SEC24A: variants seen among roughly 807,000 people sequenced by gnomAD.
The protein encoded by SEC24A is protein transport protein Sec24A.
SEC24A carries 93 observed loss-of-function variants against 129.4 expected under a neutral mutation model. The observed-to-expected ratio is 0.72, with a 90% confidence interval of 0.61 to 0.85. SEC24A has a LOEUF of 0.85. Ranked by LOEUF, SEC24A falls within the 40% of genes least tolerant of loss-of-function variation. SEC24A has a pLI of 0.00. For missense variants in SEC24A, 1,264 were observed against 1,307.4 expected (o/e 0.97, Z 0.51); for synonymous variants, 460 against 467.3 (o/e 0.98, Z 0.20).
Position 134,679,665 on chromosome 5 carries a change from C to A in SEC24A, c.1318C>A (p.Pro440Thr). The part of the protein sequence containing the change: ...RCRSCRTYIN[P>T]FVSFLDQRRW... Reference sequence around the variant, plus strand: ...CCGTTCATGCAGGACGTACATCAATCCTTTCGTCAGCTTTCTTGATCAAAG... The same window carrying A: ...CCGTTCATGCAGGACGTACATCAATACTTTCGTCAGCTTTCTTGATCAAAG... Residue 440 changes from proline (P) to threonine (T), a missense_variant, in exon 8 of 23, where the codon CCT (proline) becomes ACT (threonine). Pro to Thr is a conservative substitution (Grantham distance 38). Coordinates refer to ENST00000398844, the MANE Select transcript of SEC24A (RefSeq NM_021982.3). 2 of 1,601,266 alleles carry A rather than the reference C, an allele frequency of 1.2e-6. No individual in the cohort carries two copies. Among genetic ancestry groups the A allele is most frequent in the Admixed American group, 1.7e-5 (1 of 59,606 alleles).
chr5:134,675,332 A>G (rs1343455679), intron 6 of SEC24A, 115 bp downstream of exon 6: 1 of 745,182 alleles, frequency 1.3e-6, no homozygotes, highest in African/African-American at 1.8e-5. Context: ...AAAGTTCTGG[A>G]TACAGATGAT....
rs1751042180 is a variant in SEC24A, at chr5:134,675,896, ACT to A, written c.1152-124_1152-123del. The A allele has an allele frequency of 1.0e-5, 6 of 583,414 alleles. No homozygotes were observed. In the Middle Eastern group the frequency reaches 1.4e-3, roughly 140 times the overall value. The allele number at this position is 583,414 out of a possible 1,614,324, so 36.1% of individuals were successfully genotyped here. On this transcript the variant is annotated intron_variant, in intron 6 of 22. Coordinates refer to ENST00000398844, the MANE Select transcript of SEC24A (RefSeq NM_021982.3). ...TATTTAAATGGGATAAAATTTTGAG[ACT>A]CTATTGAAATATTTCATCTGTAATC...
At chr5:134,681,080 C>CA (rs755210383) in intron 8 of SEC24A, among the ~76,000 whole-genome samples, 16 of 150,938 alleles carry the variant, frequency 1.1e-4, no homozygotes, top group South Asian at 2.1e-4. Flanking sequence ...GCCTGGGCGA[C>CA]AGAGCGAGAC....
chr5:134,681,229 C>A (rs1202364180), intron 8 of SEC24A, among the ~76,000 whole-genome samples: 1 of 149,844 alleles, frequency 6.7e-6, no homozygotes, highest in African/African-American at 2.5e-5. Context: ...GAAACCCCAT[C>A]TTTACTAAAA....
Position 134,693,773 on chromosome 5 carries a change from C to A in SEC24A, c.1826C>A (p.Thr609Asn), listed in dbSNP as rs761672944. The change falls in exon 13 of 23, where the codon ACT becomes AAT. Residue 609 changes from threonine to asparagine, a missense_variant. Coordinates refer to ENST00000398844, the MANE Select transcript of SEC24A (RefSeq NM_021982.3). ...LKTLPQMFTK[T>N]LETQSALGPA... ...ACTTTGCCACAAATGTTTACCAAGA[C>A]TCTGGAGACCCAGAGTGCCTTGGGT... 1.2e-4 allele frequency: 198 copies of A among 1,614,050 alleles called. No individual in the cohort carries two copies. Among genetic ancestry groups the A allele is most frequent in the Non-Finnish European group, 2.5e-5 (30 of 1,180,020 alleles).
chr5:134,653,860 CAAAAAT>C (rs1490754361), intron 1 of SEC24A, among the ~76,000 whole-genome samples: 3 of 149,512 alleles, frequency 2.0e-5, no homozygotes, highest in South Asian at 2.2e-4. Context: ...TATCTTGTCT[CAAAAAT>C]AAATAAATAG....
chr5:134,677,048 C>T (rs1209724098), intron 7 of SEC24A, among the ~76,000 whole-genome samples: 3 of 152,146 alleles, frequency 2.0e-5, no homozygotes, highest in East Asian at 3.8e-4. Flanking sequence ...CTAGTCTCCC[C>T]GTTCTGCCAT....
chr5:134,697,111 A>T lies in SEC24A; in HGVS notation c.1987-15A>T. On this transcript the variant is annotated splice_polypyrimidine_tract_variant and intron_variant, in intron 13 of 22. Coordinates refer to ENST00000398844, the MANE Select transcript of SEC24A (RefSeq NM_021982.3). Reference sequence around the variant, plus strand: ...TGATTTTTTAAAATGTCTCTTTATAATTTATTATAAATAGGATATACACAT... The same window carrying T: ...TGATTTTTTAAAATGTCTCTTTATATTTTATTATAAATAGGATATACACAT... The T allele has an allele frequency of 7.2e-7, 1 of 1,382,796 alleles. No individual in the cohort carries two copies. Among genetic ancestry groups the T allele is most frequent in the Non-Finnish European group, 1.0e-6 (1 of 1,002,300 alleles). The allele number at this position is 1,382,796 out of a possible 1,614,324, so 85.7% of individuals were successfully genotyped here. A position where few individuals can be genotyped will look rare whatever the true frequency, so the allele number is the denominator to read the frequency against.
intron 13 of SEC24A, among the ~76,000 whole-genome samples, chr5:134,694,819 C>CA (rs79409386): frequency 0.066 from 4,368 of 65,858 alleles, 101 homozygotes; most frequent in African/African-American, 0.11. Context: ...AACTCCGTCT[C>CA]AAAAAAAAAA....
intron 11 of SEC24A, among the ~76,000 whole-genome samples, chr5:134,688,805 G>A (rs1270980975): frequency 6.6e-6 from 1 of 152,002 alleles, no homozygotes; most frequent in African/African-American, 2.4e-5. Context: ...TCAGCCTCCC[G>A]AGTAGCTGGG....
chr5:134,717,122 A>G (rs934555642), intron 19 of SEC24A, among the ~76,000 whole-genome samples: 2 of 150,786 alleles, frequency 1.3e-5, no homozygotes, highest in African/African-American at 4.9e-5. Context: ...CAAGTGATCC[A>G]CCCGCCTCAG....
At chr5:134,689,217 C>G (rs1262291634) in intron 11 of SEC24A, among the ~76,000 whole-genome samples, 5 of 152,184 alleles carry the variant, frequency 3.3e-5, no homozygotes, top group Admixed American at 1.3e-4. Flanking sequence ...CCCTGGTGCA[C>G]TGCTGGTCAG....
chr5:134,658,750 A>G (rs1750336997), intron 1 of SEC24A, among the ~76,000 whole-genome samples: 1 of 152,116 alleles, frequency 6.6e-6, no homozygotes, highest in African/African-American at 2.4e-5. Flanking sequence ...GGGAGAGGAC[A>G]TTTACTGGAA....
At chr5:134,654,208 C>A (rs1034839107) in intron 1 of SEC24A, among the ~76,000 whole-genome samples, 5 of 147,000 alleles carry the variant, frequency 3.4e-5, no homozygotes, top group East Asian at 2.0e-4. Flanking sequence ...TAGCCTTTTT[C>A]AAAAAAAAAA....
At chr5:134,670,763 G>A (rs372196205) in intron 3 of SEC24A, among the ~76,000 whole-genome samples, 3 of 152,108 alleles carry the variant, frequency 2.0e-5, no homozygotes, top group African/African-American at 4.8e-5. Flanking sequence ...GCCAAGGCAC[G>A]CGGATCACGA....
intron 2 of SEC24A, among the ~76,000 whole-genome samples, chr5:134,664,873 A>G (rs1750602761): frequency 7.6e-6 from 1 of 132,368 alleles, no homozygotes; most frequent in African/African-American, 2.9e-5. Flanking sequence ...ATCTCGGCTC[A>G]CTGCAACCTC....
chr5:134,693,610 T>G, intron 12 of SEC24A, 117 bp from the exon 13 acceptor site: 2 of 1,456,316 alleles, frequency 1.4e-6, no homozygotes, highest in South Asian at 2.9e-5. Flanking sequence ...GTTTAGTGTC[T>G]GTAGATTCTC....
intron 4 of SEC24A, 37 bp from the exon 5 acceptor site, chr5:134,674,578 A>C (rs916644470): frequency 1.9e-6 from 3 of 1,569,588 alleles, no homozygotes; most frequent in Non-Finnish European, 2.6e-6. Context: ...AGTATTCTGG[A>C]GTATAAAATA....
At chr5:134,711,999 G>A (rs1453970928) in intron 18 of SEC24A, among the ~76,000 whole-genome samples, 5 of 151,842 alleles carry the variant, frequency 3.3e-5, no homozygotes, top group Admixed American at 6.6e-5. Flanking sequence ...CACCCGCCTC[G>A]GCCTCCCAAA....
Sources: gnomAD v4.1 joint callset for allele counts (sites outside exome capture counted in the v4.1 genomes callset) on GRCh38, gnomAD v4.1.1 for gene constraint, MANE v1.5 for transcripts, NCBI Gene and HGNC (gene_info 2026-07-23, HGNC 2026-07-21) for gene names.